Variants in GLI3 observed in about 807,000 individuals in gnomAD.
GLI3 encodes transcription activator GLI3.
GLI3 carries 20 observed loss-of-function variants against 100.8 expected under a neutral mutation model. The observed-to-expected ratio is 0.20, with a 90% CI of 0.14 to 0.29. The LOEUF (loss-of-function observed/expected upper bound fraction) is 0.29, where lower values mean the gene tolerates loss of function less well. Among genes scored for constraint, GLI3 ranks in the 10% least tolerant of loss-of-function variants. The pLI is 1.00. For missense variants in GLI3, 2,040 were observed against 2,128.5 expected (o/e 0.96, Z 0.82); for synonymous variants, 938 against 860.5 (o/e 1.09, Z -1.58).
chr7:42,004,238 C>T (rs566704753), intron 10 of GLI3, among the ~76,000 whole-genome samples: 60 of 152,208 alleles, frequency 3.9e-4, no homozygotes, highest in African/African-American at 1.3e-3. Context: ...ACAACCAACA[C>T]AATTATCTAA....
At chr7:42,011,180 C>T (rs181684338) in intron 10 of GLI3, among the ~76,000 whole-genome samples, 1 of 152,238 alleles carries the variant, frequency 6.6e-6, no homozygotes, top group Non-Finnish European at 1.5e-5. Context: ...TGCCTGTGTA[C>T]CCACAGATAG....
Position 41,964,088 on chromosome 7 carries a change from A to C in GLI3, c.*242T>G. 1 of 248,558 alleles carries C rather than the reference A, an allele frequency of 4.0e-6. No homozygotes were observed. The allele number at this position is 248,558 out of a possible 1,614,324, so 15.4% of individuals were successfully genotyped here. ...AGTTTTTTTTTTTTTTTTTAAAAAGAGGGTGGTTTGAGTGTAACAATACTG... is the reference window on the plus strand; with the variant it reads ...AGTTTTTTTTTTTTTTTTTAAAAAGCGGGTGGTTTGAGTGTAACAATACTG... On this transcript the variant is annotated 3_prime_UTR_variant, in exon 15 of 15. Coordinates refer to ENST00000395925, the MANE Select transcript of GLI3 (RefSeq NM_000168.6).
At chr7:42,110,470 C>G (rs770177252) in intron 3 of GLI3, among the ~76,000 whole-genome samples, 1 of 152,154 alleles carries the variant, frequency 6.6e-6, no homozygotes, top group Non-Finnish European at 1.5e-5. Context: ...AGTGGACATT[C>G]GTTATTTCCA....
At chr7:42,165,256 A>G (rs1787218452) in intron 2 of GLI3, among the ~76,000 whole-genome samples, 1 of 152,142 alleles carries the variant, frequency 6.6e-6, no homozygotes, top group Admixed American at 6.5e-5. Flanking sequence ...TCTGTTACAA[A>G]TCTTTGGCAT....
At chr7:42,072,170 C>T (rs1410790400) in intron 4 of GLI3, among the ~76,000 whole-genome samples, 1 of 152,146 alleles carries the variant, frequency 6.6e-6, no homozygotes, top group Non-Finnish European at 1.5e-5. Flanking sequence ...GCTCGACTGG[C>T]AAGAAGATTG....
At chr7:41,980,567 T>C (rs1343555887) in intron 10 of GLI3, among the ~76,000 whole-genome samples, 1 of 151,944 alleles carries the variant, frequency 6.6e-6, no homozygotes, top group East Asian at 1.9e-4. Context: ...CTTGGATCCT[T>C]GGATTAATGC....
chr7:42,039,202 C>A (rs1784080019), intron 7 of GLI3, among the ~76,000 whole-genome samples: 2 of 152,152 alleles, frequency 1.3e-5, no homozygotes, highest in Non-Finnish European at 2.9e-5. Context: ...TTAGTTCAAA[C>A]AATAAATGAT....
chr7:42,090,660 AG>A (rs1282793206), intron 3 of GLI3, among the ~76,000 whole-genome samples: 1 of 152,206 alleles, frequency 6.6e-6, no homozygotes, highest in East Asian at 1.9e-4. Flanking sequence ...TCTGTCCCTA[AG>A]TAAGGTCTGT....
intron 3 of GLI3, among the ~76,000 whole-genome samples, chr7:42,100,853 A>G (rs1438805722): frequency 6.6e-6 from 1 of 152,206 alleles, no homozygotes; most frequent in East Asian, 1.9e-4. Flanking sequence ...TGGGGCTTCC[A>G]GAAGCTGGAA....
intron 2 of GLI3, chr7:42,172,508 A>G: frequency 1.4e-6 from 1 of 695,418 alleles, no homozygotes; most frequent in Non-Finnish European, 2.6e-6. Context: ...TGGTCTTGCA[A>G]TCATCCCGCA....
intron 10 of GLI3, among the ~76,000 whole-genome samples, chr7:41,989,902 G>A (rs1787934782): frequency 6.8e-6 from 1 of 146,646 alleles, no homozygotes; most frequent in East Asian, 2.0e-4. Context: ...GCACACGCCT[G>A]TAGTCCCAGC....
chr7:42,175,988 A>G (rs959754854), intron 2 of GLI3, among the ~76,000 whole-genome samples: 3 of 152,160 alleles, frequency 2.0e-5, no homozygotes, highest in Admixed American at 2.0e-4. Context: ...GCCCACGCAC[A>G]TAACTCTGAA....
At position 41,991,832 on chromosome 7, in the gene GLI3, A is replaced by G. The variant is rs369178689; in HGVS notation, c.1498-13084T>C. ...TGAATTGAGGAAGAAGGGAAGAGAG[A>G]TACAGAGGCCCAGTGTTAAGAAAAA... On this transcript the variant is annotated intron_variant, in intron 10 of 14. Transcript: ENST00000395925. 1.1e-4 allele frequency among the ~76,000 whole-genome samples: 17 copies of G among 152,322 alleles called. No individual in the cohort carries two copies. The East Asian group carries it at 1.2e-3, about 10-fold the overall frequency.
intron 3 of GLI3, among the ~76,000 whole-genome samples, chr7:42,115,944 G>A (rs1304838551): frequency 6.6e-6 from 1 of 152,060 alleles, no homozygotes; most frequent in Non-Finnish European, 1.5e-5. Context: ...ATTGTTGTGG[G>A]TTGTCTTGGG....
At chr7:42,172,295 A>G (rs1046162182) in intron 2 of GLI3, among the ~76,000 whole-genome samples, 2 of 151,826 alleles carry the variant, frequency 1.3e-5, no homozygotes, top group African/African-American at 2.4e-5. Context: ...TGCAGGATTC[A>G]TGCACATTCT....
intron 2 of GLI3, among the ~76,000 whole-genome samples, chr7:42,149,128 G>A (rs1001567784): frequency 3.9e-5 from 6 of 152,286 alleles, no homozygotes; most frequent in East Asian, 1.9e-4. Context: ...AGAGCCTCTC[G>A]TGAGATACTT....
chr7:42,127,010 C>T (rs1035894312), intron 3 of GLI3, among the ~76,000 whole-genome samples: 6 of 152,216 alleles, frequency 3.9e-5, no homozygotes, highest in Non-Finnish European at 7.3e-5. Flanking sequence ...CTCCCACACT[C>T]GATATGGCCT....
intron 4 of GLI3, among the ~76,000 whole-genome samples, chr7:42,049,063 T>A (rs1405524817): frequency 2.0e-5 from 3 of 152,050 alleles, no homozygotes; most frequent in Non-Finnish European, 4.4e-5. Flanking sequence ...ATATTAATGT[T>A]ACCATTTAAA....
chr7:42,130,430 C>T (rs542612689), intron 3 of GLI3, among the ~76,000 whole-genome samples: 1 of 152,220 alleles, frequency 6.6e-6, no homozygotes, highest in South Asian at 2.1e-4. Flanking sequence ...TTTTAGAAAG[C>T]ATTACATACA....
Sources: gnomAD v4.1 joint callset for allele counts (sites outside exome capture counted in the v4.1 genomes callset) on GRCh38, gnomAD v4.1.1 for gene constraint, MANE v1.5 for transcripts, NCBI Gene and HGNC (gene_info 2026-07-23, HGNC 2026-07-21) for gene names.